Variants in PRICKLE2 observed in about 807,000 individuals in gnomAD.
The protein encoded by PRICKLE2 is prickle-like protein 2.
PRICKLE2 carries 21 observed loss-of-function variants against 81.4 expected under a neutral mutation model. The ratio of observed to expected loss-of-function variants is 0.26; its 90% CI spans 0.18 to 0.37. The LOEUF is 0.37. Ranked by LOEUF, PRICKLE2 falls within the 10% of genes least tolerant of loss-of-function variation. The pLI, the probability that PRICKLE2 is intolerant of heterozygous loss-of-function variation, is 1.00. For synonymous variants in PRICKLE2, 456 were observed against 421.5 expected, an observed-to-expected ratio of 1.08 and a Z score of -1.00; for missense variants, 940 against 1,109.0, an observed-to-expected ratio of 0.85 and a Z score of 2.16.
chr3:64,238,952 A>T (rs911933064), intron 2 of PRICKLE2, among the ~76,000 whole-genome samples: 1 of 152,098 alleles, frequency 6.6e-6, no homozygotes, highest in African/African-American at 2.4e-5. Context: ...AGCCCATGGA[A>T]TCCCTGGCAG....
At chr3:64,109,304 T>C (rs577705584) in intron 7 of PRICKLE2, among the ~76,000 whole-genome samples, 91 of 152,306 alleles carry the variant, frequency 6.0e-4, no homozygotes, top group Non-Finnish European at 2.9e-4. Context: ...TCAGTGGCTA[T>C]CAAGAACTCC....
chr3:64,193,392 A>T (rs767821095), intron 2 of PRICKLE2, among the ~76,000 whole-genome samples: 2 of 152,100 alleles, frequency 1.3e-5, no homozygotes, highest in Non-Finnish European at 2.9e-5. Context: ...CCAAACATAC[A>T]TTTCCAAATG....
chr3:64,172,442 T>C (rs2077948739), intron 2 of PRICKLE2, among the ~76,000 whole-genome samples: 1 of 152,372 alleles, frequency 6.6e-6, no homozygotes, highest in Admixed American at 6.5e-5. Flanking sequence ...TGCAGTCAGA[T>C]TGTTTGGGTT....
chr3:64,108,171 A>G (rs968618145), intron 7 of PRICKLE2, among the ~76,000 whole-genome samples: 3 of 152,162 alleles, frequency 2.0e-5, no homozygotes, highest in African/African-American at 7.2e-5. Context: ...AAAGCCTCAA[A>G]TATTTACTTT....
At chr3:64,104,917 G>A (rs1301492402) in intron 7 of PRICKLE2, among the ~76,000 whole-genome samples, 1 of 152,196 alleles carries the variant, frequency 6.6e-6, no homozygotes, top group Non-Finnish European at 1.5e-5. Flanking sequence ...CTGTGTACTT[G>A]CCTCTAGAAA....
intron 7 of PRICKLE2, among the ~76,000 whole-genome samples, chr3:64,136,231 A>C (rs1042960965): frequency 1.3e-5 from 2 of 151,974 alleles, no homozygotes; most frequent in African/African-American, 2.4e-5. Flanking sequence ...GAGAAGAGGC[A>C]GTGTAGACAG....
At chr3:64,242,407 ACTTATACC>A (rs571781149) in intron 2 of PRICKLE2, among the ~76,000 whole-genome samples, 1 of 152,036 alleles carries the variant, frequency 6.6e-6, no homozygotes, top group Non-Finnish European at 1.5e-5. Flanking sequence ...CCTTTCTTCA[ACTTATACC>A]CTCTTTCCCA....
intron 2 of PRICKLE2, among the ~76,000 whole-genome samples, chr3:64,179,035 CT>C (rs1320729423): frequency 1.0e-5 from 1 of 97,092 alleles, no homozygotes; most frequent in East Asian, 2.9e-4. Context: ...TTCTTTCTTT[CT>C]TTTCTTTCCT....
chr3:64,196,649 A>G (rs1206047128), intron 2 of PRICKLE2, among the ~76,000 whole-genome samples: 1 of 152,212 alleles, frequency 6.6e-6, no homozygotes, highest in Non-Finnish European at 1.5e-5. Flanking sequence ...ATTGCCTTCA[A>G]TTCTCATGGA....
intron 2 of PRICKLE2, among the ~76,000 whole-genome samples, chr3:64,195,351 C>T (rs1428862555): frequency 1.3e-5 from 2 of 152,268 alleles, no homozygotes; most frequent in Admixed American, 6.5e-5. Context: ...AGGGAGGGGA[C>T]TTTCGTTTAC....
intron 2 of PRICKLE2, among the ~76,000 whole-genome samples, chr3:64,259,052 T>C (rs1359334621): frequency 2.0e-5 from 3 of 152,082 alleles, no homozygotes; most frequent in South Asian, 2.1e-4. Context: ...CTCTCCTATA[T>C]GGATATATTA....
chr3:64,115,037 G>A (rs1280974193), intron 7 of PRICKLE2, among the ~76,000 whole-genome samples: 1 of 152,166 alleles, frequency 6.6e-6, no homozygotes, highest in Non-Finnish European at 1.5e-5. Context: ...AAGAATGGGG[G>A]CCAATATTCA....
intron 2 of PRICKLE2, among the ~76,000 whole-genome samples, chr3:64,165,891 A>AC (rs1180817156): frequency 6.6e-6 from 1 of 152,056 alleles, no homozygotes; most frequent in Non-Finnish European, 1.5e-5. Flanking sequence ...AAGCAAGAAA[A>AC]ATACGTTGCA....
intron 7 of PRICKLE2, among the ~76,000 whole-genome samples, chr3:64,143,509 A>C (rs1462142360): frequency 6.6e-6 from 1 of 152,120 alleles, no homozygotes; most frequent in Non-Finnish European, 1.5e-5. Context: ...TGTCTTCCTC[A>C]CTTGCCCTTT....
At chr3:64,231,609 C>A (rs1205221329) in intron 2 of PRICKLE2, among the ~76,000 whole-genome samples, 1 of 152,138 alleles carries the variant, frequency 6.6e-6, no homozygotes, top group Admixed American at 6.6e-5. Context: ...GCTAAAAACT[C>A]TCTGCCTCAT....
intron 4 of PRICKLE2, among the ~76,000 whole-genome samples, chr3:64,157,993 T>C (rs1005737093): frequency 1.3e-5 from 2 of 152,234 alleles, no homozygotes; most frequent in Admixed American, 6.5e-5. Flanking sequence ...TTCCCTACCT[T>C]CTCACTCATT....
At chr3:64,204,602 G>C (rs759408935) in intron 1 of PRICKLE2, among the ~76,000 whole-genome samples, 2 of 151,026 alleles carry the variant, frequency 1.3e-5, no homozygotes, top group African/African-American at 4.9e-5. Flanking sequence ...TCACACACAC[G>C]CAAAAGCAAA....
chr3:64,226,310 C>A (rs1241855418), upstream of PRICKLE2, among the ~76,000 whole-genome samples: 1 of 152,122 alleles, frequency 6.6e-6, no homozygotes, highest in Non-Finnish European at 1.5e-5. Context: ...TTTTTATACA[C>A]CACTAGGCGG....
At chr3:64,246,408 C>T (rs983919670) in intron 2 of PRICKLE2, among the ~76,000 whole-genome samples, 2 of 152,164 alleles carry the variant, frequency 1.3e-5, no homozygotes, top group Non-Finnish European at 2.9e-5. Context: ...AACCGTGACC[C>T]AACCTATAGC....
Sources: allele counts gnomAD v4.1 joint callset (sites outside exome capture counted in the v4.1 genomes callset), GRCh38; gene constraint gnomAD v4.1.1; transcripts MANE v1.5; gene names NCBI Gene and HGNC (gene_info 2026-07-23, HGNC 2026-07-21).